Variants in ANO4 observed in about 807,000 individuals in gnomAD.
ANO4 encodes the protein anoctamin-4.
In ANO4, 69 loss-of-function variants were observed where a neutral mutation model predicts 141.9. The ratio of observed to expected loss-of-function variants is 0.49; its 90% CI spans 0.40 to 0.59. The LOEUF is 0.59. Ranked by LOEUF, ANO4 falls within the 20% of genes least tolerant of loss-of-function variation. The probability of loss-of-function intolerance (pLI) is 0.00; values close to 1 mark genes in which losing one functional copy is unlikely to be tolerated. For synonymous variants in ANO4, 350 were observed against 394.3 expected (o/e 0.89, Z 1.33); for missense variants, 894 against 1,162.2 (o/e 0.77, Z 3.36).
chr12:101,029,567 C>A (rs967442149), intron 9 of ANO4, among the ~76,000 whole-genome samples: 1 of 151,900 alleles, frequency 6.6e-6, no homozygotes, highest in Admixed American at 6.6e-5. Context: ...CAATGAAGAT[C>A]AAAAAAGACA....
intron 14 of ANO4, among the ~76,000 whole-genome samples, chr12:101,054,227 A>G (rs1322697175): frequency 6.6e-6 from 1 of 152,264 alleles, no homozygotes; most frequent in Non-Finnish European, 1.5e-5. Flanking sequence ...TTGATAATAC[A>G]AAGCTTGTAT....
At chr12:100,774,670 G>T (rs1565867968) in intron 3 of ANO4, among the ~76,000 whole-genome samples, 1 of 152,076 alleles carries the variant, frequency 6.6e-6, no homozygotes, top group Non-Finnish European at 1.5e-5. Context: ...TTGCACACAC[G>T]TGAACACACA....
chr12:100,753,757 A>G (rs936460084), intron 3 of ANO4, among the ~76,000 whole-genome samples: 1 of 152,202 alleles, frequency 6.6e-6, no homozygotes, highest in African/African-American at 2.4e-5. Context: ...TAAATGAGAG[A>G]TTTTAATGCG....
At chr12:100,787,893 A>G (rs1040079671) in intron 3 of ANO4, among the ~76,000 whole-genome samples, 19 of 152,214 alleles carry the variant, frequency 1.2e-4, no homozygotes, top group Admixed American at 5.9e-4. Context: ...TGGATTTGGT[A>G]TTGGGTCTAG....
intron 7 of ANO4, 35 bp from the exon 8 acceptor site, chr12:100,987,504 C>G: frequency 6.2e-7 from 1 of 1,606,392 alleles, no homozygotes; most frequent in Non-Finnish European, 8.5e-7. Context: ...TGCTGACATG[C>G]TGTACCCTTT....
chr12:100,988,866 G>A (rs182110593), intron 8 of ANO4, among the ~76,000 whole-genome samples: 11,391 of 55,144 alleles, frequency 0.21, 726 homozygotes, highest in South Asian at 0.35. Flanking sequence ...GTGAGACTCT[G>A]TCTCAGAAAA....
chr12:100,833,276 T>C (rs926866201), intron 1 of ANO4, among the ~76,000 whole-genome samples: 1 of 152,152 alleles, frequency 6.6e-6, no homozygotes, highest in Non-Finnish European at 1.5e-5. Context: ...ACACCTGATG[T>C]AATCATTAGG....
rs970762979 is a variant in ANO4, at chr12:100,975,332, T to C, written c.602+443T>C. Among the ~76,000 whole-genome samples, 13 of 152,164 alleles carry C rather than the reference T, an allele frequency of 8.5e-5. 1 individual carries two copies. The South Asian group carries it at 1.5e-3, about 17-fold the overall frequency. On this transcript the variant is annotated intron_variant, in intron 7 of 27. Transcript: ENST00000392977. ...CTCGCCCCCTCTTTTTAGCCCATTC[T>C]ATTAGATAAATTATCAAAAATCCCA...
At position 100,873,663 on chromosome 12, in the gene ANO4, A is replaced by G. The variant is rs545060693; in HGVS notation, c.-140-27983A>G. On this transcript the variant is annotated intron_variant, in intron 1 of 27. Transcript: ENST00000392977. ...AGCCAAGAAATGACCTGGTACTGGA[A>G]CTTATATTTAAAAGGGAAGTAGAGT... Among the ~76,000 whole-genome samples, 29 of 152,350 alleles carry G rather than the reference A, an allele frequency of 1.9e-4. No homozygotes were observed. The South Asian group carries it at 5.6e-3, about 29-fold the overall frequency.
chr12:100,940,065 G>C (rs5001599), intron 4 of ANO4, among the ~76,000 whole-genome samples: 122,334 of 151,624 alleles, frequency 0.81, 49,579 homozygotes, highest in African/African-American at 0.89. Flanking sequence ...TATTCCTAAG[G>C]TTTTTATATT....
intron 5 of ANO4, among the ~76,000 whole-genome samples, chr12:100,969,173 T>G (rs1018932245): frequency 2.0e-5 from 3 of 152,188 alleles, no homozygotes; most frequent in African/African-American, 7.2e-5. Flanking sequence ...ATTTCACTAA[T>G]CATGTTCATG....
intron 7 of ANO4, among the ~76,000 whole-genome samples, chr12:100,985,630 TTAAGTA>T (rs1375905306): frequency 6.6e-6 from 1 of 152,152 alleles, no homozygotes; most frequent in Non-Finnish European, 1.5e-5. Context: ...TCACTATATT[TTAAGTA>T]TATTTCTTTT....
chr12:100,833,676 A>T (rs11611770), intron 1 of ANO4, among the ~76,000 whole-genome samples: 10,614 of 152,084 alleles, frequency 0.07, 413 homozygotes, highest in Middle Eastern at 0.095. Flanking sequence ...TTGTCTTACT[A>T]GTTGTGGGTT....
chr12:100,987,497 T>C (rs1488013344), intron 7 of ANO4, 42 bp from the exon 8 acceptor site: 10 of 1,601,432 alleles, frequency 6.2e-6, no homozygotes, highest in Non-Finnish European at 8.5e-6. Context: ...AGGGCATTGC[T>C]GACATGCTGT....
At position 101,104,644 on chromosome 12, in the gene ANO4, TATATATATATATATATATATATATATAA is replaced by T. The variant is rs1316777312; in HGVS notation, c.2149+4928_2149+4955del. Among the ~76,000 whole-genome samples, 43 of 86,364 alleles carry T rather than the reference TATATATATATATATATATATATATATAA, an allele frequency of 5.0e-4. 1 individual carries two copies. The highest frequency in any genetic ancestry group is 2.0e-3 in the African/African-American group (29 of 14,654). The allele number at this position is 86,364 out of a possible 152,430, so 56.7% of individuals were successfully genotyped here. A position where few individuals can be genotyped will look rare whatever the true frequency, so the allele number is the denominator to read the frequency against. Reference sequence around the variant, plus strand: ...GTATGTGTGTATATATATATATATATATATATATATATATATATATATATATAAATAAAAAGATTTACCTTATGCTCCT... The same window carrying T: ...GTATGTGTGTATATATATATATATATATAAAAAGATTTACCTTATGCTCCT... On this transcript the variant is annotated intron_variant, in intron 22 of 27. Coordinates refer to ENST00000392977, the MANE Select transcript of ANO4 (RefSeq NM_001286615.2).
At chr12:100,965,598 T>C (rs1438675006) in intron 5 of ANO4, among the ~76,000 whole-genome samples, 2 of 151,960 alleles carry the variant, frequency 1.3e-5, no homozygotes, top group Non-Finnish European at 2.9e-5. Context: ...CTATCTTAGG[T>C]AACTCTCTCC....
At chr12:100,809,108 T>C (rs2035238464) in intron 1 of ANO4, among the ~76,000 whole-genome samples, 1 of 152,174 alleles carries the variant, frequency 6.6e-6, no homozygotes, top group South Asian at 2.1e-4. Flanking sequence ...CAAAGAATTA[T>C]AATAATATAA....
intron 14 of ANO4, among the ~76,000 whole-genome samples, chr12:101,056,800 A>G: frequency 6.6e-6 from 1 of 151,320 alleles, no homozygotes; most frequent in Non-Finnish European, 1.5e-5. Flanking sequence ...ATGAATGGGT[A>G]TAGAATTTTG....
intron 15 of ANO4, 103 bp downstream of exon 15, chr12:101,079,378 G>A (rs908053715): frequency 3.1e-6 from 3 of 957,792 alleles, no homozygotes; most frequent in East Asian, 2.5e-5. Flanking sequence ...GAAGTCAGGT[G>A]TACTCATAAA....
Sources: allele counts gnomAD v4.1 joint callset (sites outside exome capture counted in the v4.1 genomes callset), GRCh38; gene constraint gnomAD v4.1.1; transcripts MANE v1.5; gene names NCBI Gene and HGNC (gene_info 2026-07-23, HGNC 2026-07-21).